The following CFAP300 variants were observed in gnomAD, a reference collection of about 807,000 sequenced individuals.
The protein encoded by CFAP300 is cilia- and flagella-associated protein 300.
A neutral mutation model predicts 33.0 loss-of-function variants in CFAP300; 32 were observed. The observed-to-expected ratio is 0.97, with a 90% CI of 0.73 to 1.30. The LOEUF (loss-of-function observed/expected upper bound fraction) is 1.30. Ranked by LOEUF, CFAP300 falls within the 50% of genes most tolerant of loss-of-function variation. CFAP300 has a pLI of 0.00. For missense variants in CFAP300, 356 were observed against 318.1 expected (o/e 1.12, Z -0.90); for synonymous variants, 102 against 106.8 (o/e 0.95, Z 0.28).
chr11:102,083,343 A>C lies in CFAP300; in HGVS notation c.*144A>C. ...TTAGAGCAGAAGAAAGCAAACACCA[A>C]GATGCCTTTTTAAAAATTTGTGTGG... is the stretch of plus-strand genomic sequence containing the variant. On this transcript the variant is annotated 3_prime_UTR_variant, in exon 7 of 7. Transcript: ENST00000434758. The C allele has an allele frequency of 1.8e-6, 1 of 550,076 alleles. No individual in the cohort carries two copies. Among genetic ancestry groups the C allele is most frequent in the Admixed American group, 4.4e-5 (1 of 22,652 alleles). The allele number at this position is 550,076 out of a possible 1,614,324, so 34.1% of individuals were successfully genotyped here.
intron 2 of CFAP300, among the ~76,000 whole-genome samples, chr11:102,051,196 T>C (rs1340577300): frequency 1.3e-5 from 2 of 152,184 alleles, no homozygotes; most frequent in Non-Finnish European, 2.9e-5. Flanking sequence ...TCAGGCATGC[T>C]GAATTCGAGG....
chr11:102,071,738 T>C (rs888561062), intron 4 of CFAP300, among the ~76,000 whole-genome samples: 1 of 152,158 alleles, frequency 6.6e-6, no homozygotes, highest in African/African-American at 2.4e-5. Context: ...TATTTTTGGC[T>C]GCTAGTTTTT....
rs570156663 is a variant in CFAP300, at chr11:102,047,730, C to G, written c.111-85C>G. The stretch of plus-strand genomic sequence containing the variant: ...TGAACCCCGAACCACCCGGGAAGGG[C>G]GGATGCTGTGGGTGGGATCGGTTAT... On this transcript the variant is annotated intron_variant, in intron 1 of 6. Transcript: ENST00000434758. 125 of 1,516,676 alleles carry G rather than the reference C, an allele frequency of 8.2e-5. 2 individuals carry two copies. In the African/African-American group the frequency reaches 1.6e-3, roughly 20 times the overall value. 94.0% of individuals were successfully genotyped at this position (1,516,676 alleles called of 1,614,324 possible).
intron 2 of CFAP300, among the ~76,000 whole-genome samples, chr11:102,050,907 C>G (rs750162458): frequency 6.6e-6 from 1 of 152,102 alleles, no homozygotes; most frequent in African/African-American, 2.4e-5. Flanking sequence ...TTGAGATCAC[C>G]TTGGCAGAAG....
At chr11:102,079,694 G>C (rs540079112) in intron 5 of CFAP300, among the ~76,000 whole-genome samples, 104 of 152,246 alleles carry the variant, frequency 6.8e-4, no homozygotes, top group African/African-American at 2.4e-3. Context: ...TAAAAAAGTA[G>C]AGAAGAGGGT....
In CFAP300 at chr11:102,083,810, G is replaced by A. The variant is rs1477184529; in HGVS notation, c.*611G>A. On this transcript the variant is annotated 3_prime_UTR_variant, in exon 7 of 7. Coordinates refer to ENST00000434758, the MANE Select transcript of CFAP300 (RefSeq NM_032930.3). ...AGGCGGGCGGATCACGAGGTCAAGAGATCGAGACCATCCTGGCCAACATGG... is the reference window on the plus strand; with the variant it reads ...AGGCGGGCGGATCACGAGGTCAAGAAATCGAGACCATCCTGGCCAACATGG... 6.6e-6 allele frequency: 1 copy of A among 152,450 alleles called. No individual in the cohort carries two copies. The highest frequency in any genetic ancestry group is 1.5e-5 in the Non-Finnish European group (1 of 68,288). 9.4% of individuals were successfully genotyped at this position (152,450 alleles called of 1,614,324 possible).
chr11:102,083,096 C>A lies in CFAP300; in HGVS notation c.701C>A (p.Ser234Ter). ...AYDSAGMCYP[S>*]AKNHEQTFSY... ...GATTCTGCTGGTATGTGCTATCCTT[C>A]AGCAAAGAATCATGAACAGACATTT... The change falls in exon 7 of 7, where the codon TCA becomes TAA. Residue 234 changes from serine to a stop codon, truncating the protein, a stop_gained. Transcript: ENST00000434758. LOFTEE classifies it high-confidence loss of function. 1 of 1,524,876 alleles carries A rather than the reference C, an allele frequency of 6.6e-7. No homozygotes were observed. The highest frequency in any genetic ancestry group is 1.4e-5 in the South Asian group (1 of 73,486). The allele number at this position is 1,524,876 out of a possible 1,614,324, so 94.5% of individuals were successfully genotyped here.
In CFAP300 at chr11:102,047,549, TC is replaced by T. The variant is rs1941897246; in HGVS notation, c.80del (p.Ser27LeufsTer50). 1 of 1,535,804 alleles carries T rather than the reference TC, an allele frequency of 6.5e-7. No individual in the cohort carries two copies. Among genetic ancestry groups the T allele is most frequent in the Admixed American group, 2.0e-5 (1 of 50,990 alleles). On this transcript the variant is annotated frameshift_variant, in exon 1 of 7. Coordinates refer to ENST00000434758, the MANE Select transcript of CFAP300 (RefSeq NM_032930.3). LOFTEE classifies it high-confidence loss of function. ...TCAGAAAACCTTCCAGTCTCTGAGC[TC>T]TAAGGAGATCACCAGCCGGCTCCGC... The part of the protein sequence containing the change: ...LPQKTFQSLS[S>X]KEITSRLRQW...
At position 102,058,896 on chromosome 11, in the gene CFAP300, C is replaced by T; in HGVS notation, c.209C>T (p.Pro70Leu). The T allele has an allele frequency of 6.3e-7, 1 of 1,584,248 alleles. No individual in the cohort carries two copies. Among genetic ancestry groups the T allele is most frequent in the South Asian group, 1.2e-5 (1 of 84,102 alleles). The change falls in exon 3 of 7, where the codon CCA becomes CTA. Residue 70 changes from proline (P) to leucine (L), a missense_variant. Transcript: ENST00000434758. ...DDFVMAFFKD[P>L]NVIPNLKLLS... ...GTATTTTAGGCTTTTTTCAAAGACC[C>T]AAATGTTATTCCCAATTTGAAGTTA...
intron 2 of CFAP300, among the ~76,000 whole-genome samples, chr11:102,052,092 A>G (rs984776015): frequency 1.3e-5 from 2 of 152,214 alleles, no homozygotes; most frequent in Non-Finnish European, 2.9e-5. Flanking sequence ...TAGACATATA[A>G]TTGTAATCTC....
intron 4 of CFAP300, 146 bp from the exon 5 acceptor site, chr11:102,075,727 A>T (rs1400128343): frequency 1.9e-6 from 1 of 517,958 alleles, no homozygotes; most frequent in African/African-American, 1.9e-5. Flanking sequence ...AAATAAATGC[A>T]GATTACAGGT....
intron 4 of CFAP300, among the ~76,000 whole-genome samples, chr11:102,075,575 G>A (rs749281671): frequency 6.6e-6 from 1 of 152,156 alleles, no homozygotes; most frequent in Non-Finnish European, 1.5e-5. Flanking sequence ...AAGATTTGAG[G>A]TGACATAACA....
chr11:102,050,988 C>T (rs932474268), intron 2 of CFAP300, among the ~76,000 whole-genome samples: 1 of 152,092 alleles, frequency 6.6e-6, no homozygotes, highest in African/African-American at 2.4e-5. Context: ...GTCCTCTAGA[C>T]AGTTACATGA....
chr11:102,077,455 C>T (rs972283056), intron 5 of CFAP300, among the ~76,000 whole-genome samples: 9 of 152,172 alleles, frequency 5.9e-5, no homozygotes, highest in Non-Finnish European at 8.8e-5. Flanking sequence ...CACACTACAG[C>T]GTGTGATTTT....
At position 102,053,540 on chromosome 11, in the gene CFAP300, A is replaced by G. The variant is rs922557004; in HGVS notation, c.193-5340A>G. 2.7e-5 allele frequency among the ~76,000 whole-genome samples: 4 copies of G among 145,718 alleles called. No homozygotes were observed. In the East Asian group the frequency reaches 6.2e-4, roughly 23 times the overall value. ...CACTCCAGCCTGGGCAACAAGAGCAAAACTCCATCAAAAACAAACAAACAA... is the reference window on the plus strand; with the variant it reads ...CACTCCAGCCTGGGCAACAAGAGCAGAACTCCATCAAAAACAAACAAACAA... On this transcript the variant is annotated intron_variant, in intron 2 of 6. Coordinates refer to ENST00000434758, the MANE Select transcript of CFAP300 (RefSeq NM_032930.3).
chr11:102,053,792 C>T (rs771104390), intron 2 of CFAP300, among the ~76,000 whole-genome samples: 1 of 152,154 alleles, frequency 6.6e-6, no homozygotes, highest in Non-Finnish European at 1.5e-5. Context: ...AGATCTAGAT[C>T]GATTTTAGAT....
At chr11:102,059,651 A>T (rs935625143) in intron 3 of CFAP300, among the ~76,000 whole-genome samples, 2 of 152,066 alleles carry the variant, frequency 1.3e-5, no homozygotes, top group African/African-American at 4.8e-5. Flanking sequence ...TGCCTCAAAA[A>T]CTAAAAAAAA....
In CFAP300 at chr11:102,047,895, T is replaced by C. The variant is rs1381200039; in HGVS notation, c.191T>C (p.Met64Thr). The stretch of plus-strand genomic sequence containing the variant: ...TCCTATCGGAAGGATGATTTCGTTA[T>C]GGTTAGTATGGGGGTCGGAGAGTTC... ...FQSYRKDDFV[M>T]AFFKDPNVIP... Residue 64 changes from methionine to threonine, a missense_variant and splice_region_variant, in exon 2 of 7, where the codon ATG (methionine) becomes ACG (threonine). Coordinates refer to ENST00000434758, the MANE Select transcript of CFAP300 (RefSeq NM_032930.3). 6.2e-7 allele frequency: 1 copy of C among 1,614,078 alleles called. No homozygotes were observed. Among genetic ancestry groups the C allele is most frequent in the Admixed American group, 1.7e-5 (1 of 60,006 alleles).
At chr11:102,082,107 C>T (rs944995419) in intron 6 of CFAP300, among the ~76,000 whole-genome samples, 4 of 152,038 alleles carry the variant, frequency 2.6e-5, no homozygotes, top group East Asian at 1.9e-4. Context: ...GTCCCCACCC[C>T]GTGCAGTGGC....
Sources: gnomAD v4.1 joint callset for allele counts (sites outside exome capture counted in the v4.1 genomes callset) on GRCh38, gnomAD v4.1.1 for gene constraint, MANE v1.5 for transcripts, NCBI Gene and HGNC (gene_info 2026-07-23, HGNC 2026-07-21) for gene names.